Variants in C11orf21 observed in about 807,000 individuals in gnomAD.
C11orf21 encodes the protein chromosome 11 open reading frame 21.
Under a neutral mutation model 15.2 loss-of-function variants are expected in C11orf21, and 19 were observed. The ratio of observed to expected loss-of-function variants is 1.25; its 90% CI spans 0.87 to 1.84. C11orf21 has a LOEUF of 1.84. C11orf21 is among the 40% of genes most tolerant of loss of function. The probability of loss-of-function intolerance (pLI) is 0.00; values close to 1 mark genes in which losing one functional copy is unlikely to be tolerated. For missense variants in C11orf21, 171 were observed against 174.4 expected (o/e 0.98, Z 0.11); for synonymous variants, 62 against 66.8 (o/e 0.93, Z 0.35).
chr11:2,302,914 G>T (rs371441475), upstream of C11orf21: 18 of 1,613,566 alleles, frequency 1.1e-5, 1 homozygote, highest in East Asian at 1.6e-4. Flanking sequence ...GTCATCCGCC[G>T]AGCGTCCCTG....
At chr11:2,300,851 C>T (rs1462423454) in intron 1 of C11orf21, 20 of 1,330,342 alleles carry the variant, frequency 1.5e-5, no homozygotes, top group African/African-American at 8.7e-5. Flanking sequence ...CCGGGGGCCT[C>T]CTGCCCCTAG....
rs537244861 is a variant in C11orf21, at chr11:2,299,431, T to C, written c.*25A>G. The C allele has an allele frequency of 1.3e-4, 195 of 1,549,000 alleles. No individual in the cohort carries two copies. Among genetic ancestry groups the C allele is most frequent in the Non-Finnish European group, 1.4e-4 (163 of 1,146,454 alleles). On this transcript the variant is annotated 3_prime_UTR_variant, in exon 3 of 4. Coordinates refer to ENST00000381153, the MANE Select transcript of C11orf21 (RefSeq NM_001329958.2). ...GCCTCAGAGCCCGGCTGCTCACCTC[T>C]GATGGACAGAAAAGGGTCCCTGTCT...
chr11:2,300,002 C>T, intron 2 of C11orf21, among the ~76,000 whole-genome samples: 1 of 148,226 alleles, frequency 6.7e-6, no homozygotes, highest in Non-Finnish European at 1.5e-5. Context: ...CCTGGGCCAG[C>T]TCCTTGGGGC....
rs562060015 is a variant in C11orf21, at chr11:2,299,583, C to T, written c.272G>A (p.Cys91Tyr). ...HPALHWLACC[C>Y]CLSLPGQLPL... ...CAACTGCCCAGGTAAACTGAGACAG[C>T]AGCAGCAGGCAAGCCAGTGCAGAGC... is the stretch of plus-strand genomic sequence containing the variant. Residue 91 changes from cysteine (C) to tyrosine (Y), a missense_variant, in exon 3 of 4, where the codon TGC becomes TAC. Cys to Tyr is a radical substitution (Grantham distance 194). Transcript: ENST00000381153. 53 of 1,550,752 alleles carry T rather than the reference C, an allele frequency of 3.4e-5. No homozygotes were observed. Among genetic ancestry groups the T allele is most frequent in the Non-Finnish European group, 4.6e-5 (53 of 1,146,998 alleles).
In C11orf21 at chr11:2,301,830, G is replaced by T. The variant is rs901137471; in HGVS notation, c.-22C>A. On this transcript the variant is annotated 5_prime_UTR_variant, in exon 1 of 4. Transcript: ENST00000381153. ...CCATGACTTTCCCCCTCTCAGCGCC[G>T]TCCTCAGTGGCCACACCAAGAACGA... is the stretch of plus-strand genomic sequence containing the variant. 1 of 1,550,654 alleles carries T rather than the reference G, an allele frequency of 6.4e-7. No homozygotes were observed. Among genetic ancestry groups the T allele is most frequent in the Non-Finnish European group, 8.7e-7 (1 of 1,146,936 alleles).
chr11:2,301,116 G>A (rs925359555), intron 1 of C11orf21: 6 of 323,400 alleles, frequency 1.9e-5, no homozygotes, highest in African/African-American at 1.1e-4. Context: ...GGAGGGAGGC[G>A]GTGGCCTCAG....
At chr11:2,298,704 G>A (rs1031840380) in intron 3 of C11orf21, among the ~76,000 whole-genome samples, 2 of 152,176 alleles carry the variant, frequency 1.3e-5, no homozygotes, top group African/African-American at 4.8e-5. Context: ...GGTGGTGCCC[G>A]GCCCCACATA....
At position 2,299,483 on chromosome 11, in the gene C11orf21, G is replaced by T; in HGVS notation, c.372C>A (p.Ala124=). ...GPSSGKLCPR[A]RRWQPLPS is the part of the protein sequence containing the mutation. ...AGGAAGGTAGAGGCTGCCACCTCCT[G>T]GCCCGAGGACACAGCTTTCCAGAGG... The change falls in exon 3 of 4, where the codon GCC becomes GCA. Residue 124 remains alanine, a synonymous_variant. Transcript: ENST00000381153. 1 of 1,550,340 alleles carries T rather than the reference G, an allele frequency of 6.5e-7. No homozygotes were observed. Among genetic ancestry groups the T allele is most frequent in the Non-Finnish European group, 8.7e-7 (1 of 1,146,928 alleles).
intron 3 of C11orf21, among the ~76,000 whole-genome samples, chr11:2,298,368 T>G (rs1847579776): frequency 6.6e-6 from 1 of 152,178 alleles, no homozygotes; most frequent in Admixed American, 6.5e-5. Flanking sequence ...TGTCAGGAGC[T>G]CACTGCCCCA....
At position 2,296,040 on chromosome 11, in the gene C11orf21, G is replaced by T. The variant is rs1847515099; in HGVS notation, c.*1910C>A. On this transcript the variant is annotated 3_prime_UTR_variant, in exon 4 of 4. Transcript: ENST00000381153. This position sits in a 1 kb window ranked among gnomAD's most constrained non-coding sequence, Gnocchi z 5.6. ...TTGGAGTCCTGGTTAAGTTTACCAG[G>T]ATTCACTGTCCTTCTTTCTCCGGGA... 6.6e-6 allele frequency: 1 copy of T among 152,168 alleles called. No individual in the cohort carries two copies. The highest frequency in any genetic ancestry group is 2.1e-4 in the South Asian group (1 of 4,832). 9.4% of individuals were successfully genotyped at this position (152,168 alleles called of 1,614,324 possible). A position where few individuals can be genotyped will look rare whatever the true frequency, so the allele number is the denominator to read the frequency against.
In C11orf21 at chr11:2,301,846, C is replaced by A; in HGVS notation, c.-38G>T. The stretch of plus-strand genomic sequence containing the variant: ...CTCAGCGCCGTCCTCAGTGGCCACA[C>A]CAAGAACGAGGCCATGTCTTCCTGG... On this transcript the variant is annotated 5_prime_UTR_variant, in exon 1 of 4. Coordinates refer to ENST00000381153, the MANE Select transcript of C11orf21 (RefSeq NM_001329958.2). The A allele has an allele frequency of 1.3e-6, 2 of 1,550,628 alleles. No individual in the cohort carries two copies. The highest frequency in any genetic ancestry group is 1.7e-6 in the Non-Finnish European group (2 of 1,146,940).
intron 1 of C11orf21, chr11:2,301,505 T>G: frequency 2.3e-6 from 1 of 428,140 alleles, no homozygotes; most frequent in Non-Finnish European, 4.2e-6. Flanking sequence ...CCCACGTGAG[T>G]GTGAGCGAGG....
chr11:2,296,523 C>T lies in C11orf21; in HGVS notation c.*1427G>A, dbSNP rs567191140. ...CCCTGAGTCTGATGATCCCCCTTTC[C>T]ACTAGCCACCCCAGCAAATGGCTGC... On this transcript the variant is annotated 3_prime_UTR_variant, in exon 4 of 4. Coordinates refer to ENST00000381153, the MANE Select transcript of C11orf21 (RefSeq NM_001329958.2). The surrounding 1 kb of genome is among the most constrained non-coding windows in gnomAD (Gnocchi z 5.6). 3 of 152,374 alleles carry T rather than the reference C, an allele frequency of 2.0e-5. No homozygotes were observed. The South Asian group carries it at 6.2e-4, about 32-fold the overall frequency. 9.4% of individuals were successfully genotyped at this position (152,374 alleles called of 1,614,324 possible). A position where few individuals can be genotyped will look rare whatever the true frequency, so the allele number is the denominator to read the frequency against.
At chr11:2,302,181 A>G (rs1473818744), upstream of C11orf21, 4 of 1,414,570 alleles carry the variant, frequency 2.8e-6, no homozygotes, top group South Asian at 7.3e-5. Flanking sequence ...AGGGTTGCCA[A>G]ATGCCAGATG....
In C11orf21 at chr11:2,301,883, G is replaced by C. The variant is rs1274784620; in HGVS notation, c.-75C>G. ...CCATGTCTTCCTGGGAAGGGCCTCA[G>C]ATGTCAGCAAATGCCCTGGTGTCTT... On this transcript the variant is annotated 5_prime_UTR_variant, in exon 1 of 4. In the 5' UTR this introduces an upstream ATG that the reference lacks. Transcript: ENST00000381153. 6.5e-7 allele frequency: 1 copy of C among 1,548,132 alleles called. No individual in the cohort carries two copies. The highest frequency in any genetic ancestry group is 2.0e-5 in the Admixed American group (1 of 50,976).
At chr11:2,300,495 A>G (rs1290562978) in intron 2 of C11orf21, 25 bp downstream of exon 2, 2 of 1,461,494 alleles carry the variant, frequency 1.4e-6, no homozygotes, top group Admixed American at 4.8e-5. Context: ...CTGGTGGGGC[A>G]CAGTGAGGGG....
chr11:2,299,896 C>T (rs2133269341), intron 2 of C11orf21, among the ~76,000 whole-genome samples, 189 bp from the exon 3 acceptor site: 1 of 151,550 alleles, frequency 6.6e-6, no homozygotes, highest in Non-Finnish European at 1.5e-5. Flanking sequence ...AATCTCTTCC[C>T]TGGAAATAAA....
In C11orf21 at chr11:2,299,663, G is replaced by A. The variant is rs753196543; in HGVS notation, c.192C>T (p.Ser64=). The change falls in exon 3 of 4, where the codon TCC becomes TCT. Residue 64 remains serine, a synonymous_variant. Coordinates refer to ENST00000381153, the MANE Select transcript of C11orf21 (RefSeq NM_001329958.2). ...CAGGTGGAACAAGGGCACCATGGGC[G>A]GAGGGTTGGGCAGCTGCAGGTGGCA... The part of the protein sequence containing the change: ...SMMPPAAAQP[S]AHGALVPPAT... 4.1e-5 allele frequency: 63 copies of A among 1,551,042 alleles called. No homozygotes were observed. Among genetic ancestry groups the A allele is most frequent in the Middle Eastern group, 1.7e-4 (1 of 6,012 alleles).
chr11:2,298,706 C>T (rs1209346188), intron 3 of C11orf21, among the ~76,000 whole-genome samples: 1 of 152,168 alleles, frequency 6.6e-6, no homozygotes, highest in Non-Finnish European at 1.5e-5. Context: ...TGGTGCCCGG[C>T]CCCACATACT....
Sources: allele counts gnomAD v4.1 joint callset (sites outside exome capture counted in the v4.1 genomes callset), GRCh38; gene constraint gnomAD v4.1.1; non-coding constraint Gnocchi (gnomAD v3.1); transcripts MANE v1.5; gene names NCBI Gene and HGNC (gene_info 2026-07-23, HGNC 2026-07-21).